PTPRK: variants seen among roughly 807,000 people sequenced by gnomAD.
PTPRK encodes receptor-type tyrosine-protein phosphatase kappa.
PTPRK carries 75 observed loss-of-function variants against 178.0 expected under a neutral mutation model. The observed-to-expected ratio is 0.42, with a 90% CI of 0.35 to 0.51. The LOEUF is 0.51. Among genes scored for constraint, PTPRK ranks in the 20% least tolerant of loss-of-function variants. PTPRK has a pLI of 0.02. For synonymous variants in PTPRK, 637 were observed against 620.6 expected, an observed-to-expected ratio of 1.03 and a Z score of -0.39; for missense variants, 1,441 against 1,797.8, an observed-to-expected ratio of 0.80 and a Z score of 3.59.
intron 7 of PTPRK, among the ~76,000 whole-genome samples, chr6:128,162,727 T>C (rs2057140795): frequency 6.6e-6 from 1 of 151,668 alleles, no homozygotes; most frequent in South Asian, 2.1e-4. Context: ...GCTACAAATA[T>C]TGATAAGATC....
chr6:128,210,691 G>A (rs994448959), intron 6 of PTPRK, among the ~76,000 whole-genome samples: 1 of 151,952 alleles, frequency 6.6e-6, no homozygotes, highest in Non-Finnish European at 1.5e-5. Context: ...GAACAGGAAA[G>A]GACTGTGATT....
intron 1 of PTPRK, among the ~76,000 whole-genome samples, chr6:128,404,564 A>T (rs1841429205): frequency 6.6e-6 from 1 of 152,208 alleles, no homozygotes; most frequent in Non-Finnish European, 1.5e-5. Context: ...GGGATCCCGA[A>T]GTGTGATCAA....
intron 3 of PTPRK, among the ~76,000 whole-genome samples, chr6:128,244,880 A>G (rs886745324): frequency 1.3e-5 from 2 of 152,196 alleles, no homozygotes; most frequent in Non-Finnish European, 2.9e-5. Context: ...GGCAAATAAT[A>G]TCTAACATAA....
intron 1 of PTPRK, among the ~76,000 whole-genome samples, chr6:128,448,984 T>A (rs1017556795): frequency 6.6e-6 from 1 of 151,980 alleles, no homozygotes; most frequent in Admixed American, 6.6e-5. Flanking sequence ...CTCAGCCTCC[T>A]GAGTAGCTGG....
chr6:128,105,909 C>A (rs1238917337), intron 7 of PTPRK, among the ~76,000 whole-genome samples: 1 of 152,164 alleles, frequency 6.6e-6, no homozygotes, highest in Non-Finnish European at 1.5e-5. Flanking sequence ...TTTTACCACT[C>A]CGATTATGAT....
chr6:128,249,988 C>T (rs1052978999), intron 3 of PTPRK, among the ~76,000 whole-genome samples: 1 of 152,088 alleles, frequency 6.6e-6, no homozygotes, highest in Non-Finnish European at 1.5e-5. Context: ...AAGGCAGTTT[C>T]CCCCATCCTG....
rs140282154 is a variant in PTPRK at position 128,023,645 on chromosome 6, C to T, written c.2195-14377G>A. Among the ~76,000 whole-genome samples, 10 of 151,952 alleles carry T rather than the reference C, an allele frequency of 6.6e-5. No homozygotes were observed. In the East Asian group the frequency reaches 1.9e-3, roughly 29 times the overall value. On this transcript the variant is annotated intron_variant, in intron 13 of 29. Coordinates refer to ENST00000368226, the MANE Select transcript of PTPRK (RefSeq NM_002844.4). The stretch of plus-strand genomic sequence containing the variant: ...TAGACTATTTTAAAACAGAACTATT[C>T]GATCTCTTATTTTATTTTATTTTTT...
intron 1 of PTPRK, chr6:128,491,715 T>G (rs1297193601): frequency 4.0e-6 from 2 of 496,770 alleles, no homozygotes; most frequent in Admixed American, 4.1e-5. Context: ...AATCTATCAT[T>G]TTTTTTCTCT....
intron 7 of PTPRK, among the ~76,000 whole-genome samples, chr6:128,130,206 T>G (rs1477179129): frequency 6.6e-6 from 1 of 152,194 alleles, no homozygotes; most frequent in Non-Finnish European, 1.5e-5. Flanking sequence ...TTTTTCTATC[T>G]CACATTTTAA....
intron 13 of PTPRK, among the ~76,000 whole-genome samples, chr6:128,049,413 T>C (rs983129240): frequency 2.6e-5 from 4 of 152,172 alleles, no homozygotes; most frequent in Admixed American, 6.5e-5. Flanking sequence ...CATCTTGATT[T>C]CTTATCAATG....
intron 6 of PTPRK, among the ~76,000 whole-genome samples, chr6:128,212,927 G>A (rs756605340): frequency 5.9e-5 from 9 of 151,974 alleles, no homozygotes; most frequent in Non-Finnish European, 1.2e-4. Flanking sequence ...CAGAAAAGGA[G>A]AAAATTAATA....
At chr6:128,131,461 G>A (rs1158323802) in intron 7 of PTPRK, among the ~76,000 whole-genome samples, 1 of 152,086 alleles carries the variant, frequency 6.6e-6, no homozygotes, top group East Asian at 1.9e-4. Flanking sequence ...GGGGATGGCA[G>A]GTGCATATTT....
chr6:128,147,396 T>C (rs562298655), intron 7 of PTPRK, among the ~76,000 whole-genome samples: 52 of 152,288 alleles, frequency 3.4e-4, no homozygotes, highest in Middle Eastern at 3.4e-3. Context: ...ATAGCAAAAC[T>C]TTAATTCTTC....
intron 1 of PTPRK, among the ~76,000 whole-genome samples, chr6:128,509,506 T>C (rs138878051): frequency 0.013 from 1,930 of 152,192 alleles, 32 homozygotes; most frequent in Non-Finnish European, 0.018. Flanking sequence ...CATACACACT[T>C]TTTGTGCCTT....
chr6:128,174,644 G>A (rs1220659549), intron 7 of PTPRK, among the ~76,000 whole-genome samples: 2 of 151,752 alleles, frequency 1.3e-5, no homozygotes, highest in Non-Finnish European at 2.9e-5. Context: ...TGCCCAAATA[G>A]CTCAAAAGTA....
chr6:128,182,534 A>C (rs1802082593), intron 7 of PTPRK, among the ~76,000 whole-genome samples: 1 of 152,154 alleles, frequency 6.6e-6, no homozygotes, highest in African/African-American at 2.4e-5. Context: ...AGATCACGCC[A>C]CTGCACTCTA....
At chr6:128,508,855 G>A (rs1398570718) in intron 1 of PTPRK, among the ~76,000 whole-genome samples, 1 of 151,676 alleles carries the variant, frequency 6.6e-6, no homozygotes, top group Non-Finnish European at 1.5e-5. Flanking sequence ...GCTGAGGCAG[G>A]AGAATCGCTT....
chr6:128,230,009 C>A (rs997779817), intron 5 of PTPRK, among the ~76,000 whole-genome samples: 5 of 152,032 alleles, frequency 3.3e-5, no homozygotes, highest in African/African-American at 1.2e-4. Flanking sequence ...CAGTTTTCTA[C>A]CCCCAGGAAT....
chr6:128,229,870 G>T (rs565392377), intron 5 of PTPRK, among the ~76,000 whole-genome samples: 67 of 152,288 alleles, frequency 4.4e-4, no homozygotes, highest in East Asian at 9.6e-4. Flanking sequence ...ATTGGAGCAT[G>T]TATTTTCCCT....
Sources: allele counts gnomAD v4.1 joint callset (sites outside exome capture counted in the v4.1 genomes callset), GRCh38; gene constraint gnomAD v4.1.1; transcripts MANE v1.5; gene names NCBI Gene and HGNC (gene_info 2026-07-23, HGNC 2026-07-21).